ZC3H18: variants seen among roughly 807,000 people sequenced by gnomAD.
ZC3H18 encodes the protein zinc finger CCCH-type containing 18, also known as zinc finger CCCH domain-containing protein 18.
In ZC3H18, 8 loss-of-function variants were observed where a neutral mutation model predicts 106.1. The ratio of observed to expected loss-of-function variants is 0.08; its 90% CI spans 0.04 to 0.14. The LOEUF (loss-of-function observed/expected upper bound fraction) is 0.14, where lower values mean the gene tolerates loss of function less well. Ranked by LOEUF, ZC3H18 falls within the 10% of genes least tolerant of loss-of-function variation. The pLI is 1.00. For missense variants in ZC3H18, 1,318 were observed against 1,278.4 expected, an observed-to-expected ratio of 1.03 and a Z score of -0.47; for synonymous variants, 635 against 522.1, an observed-to-expected ratio of 1.22 and a Z score of -2.95.
chr16:88,611,842 G>T (rs752627514), intron 8 of ZC3H18, among the ~76,000 whole-genome samples: 2 of 152,190 alleles, frequency 1.3e-5, no homozygotes, highest in Non-Finnish European at 2.9e-5. Flanking sequence ...TTTAATAGGC[G>T]CTGCCCTTGT....
chr16:88,619,380 T>A (rs570525122), intron 8 of ZC3H18, among the ~76,000 whole-genome samples: 4 of 152,314 alleles, frequency 2.6e-5, no homozygotes, highest in Admixed American at 1.3e-4. Flanking sequence ...ACCTCCTTGC[T>A]CCATGGGCCT....
At chr16:88,574,276 C>A (rs1285748310) in intron 1 of ZC3H18, among the ~76,000 whole-genome samples, 1 of 151,648 alleles carries the variant, frequency 6.6e-6, no homozygotes, top group Non-Finnish European at 1.5e-5. Flanking sequence ...GTGGTGTGAT[C>A]TCGGCTCACT....
chr16:88,628,284 C>T (rs533990490), intron 15 of ZC3H18, among the ~76,000 whole-genome samples, 165 bp downstream of exon 15: 5 of 152,184 alleles, frequency 3.3e-5, no homozygotes, highest in Non-Finnish European at 7.4e-5. Flanking sequence ...TCTTTCCGGC[C>T]TGGGCTGGGA....
intron 3 of ZC3H18, among the ~76,000 whole-genome samples, chr16:88,592,044 T>C (rs7202485): frequency 3.6e-4 from 55 of 152,002 alleles, no homozygotes; most frequent in Non-Finnish European, 5.2e-4. Context: ...CCGCTGGCAG[T>C]GGAGTTGCTG....
intron 1 of ZC3H18, among the ~76,000 whole-genome samples, chr16:88,573,634 A>G (rs781248135): frequency 6.6e-6 from 1 of 151,774 alleles, no homozygotes; most frequent in Non-Finnish European, 1.5e-5. Context: ...CTGGACTCGA[A>G]CTCTTGGGCT....
intron 2 of ZC3H18, among the ~76,000 whole-genome samples, chr16:88,583,459 G>C (rs1214411515): frequency 1.3e-5 from 2 of 152,232 alleles, no homozygotes; most frequent in Non-Finnish European, 1.5e-5. Context: ...GTGGTGCAAA[G>C]GGGAAGGCGA....
At chr16:88,613,686 T>G (rs1905401822) in intron 8 of ZC3H18, among the ~76,000 whole-genome samples, 1 of 152,350 alleles carries the variant, frequency 6.6e-6, no homozygotes, top group African/African-American at 2.4e-5. Flanking sequence ...TTTTTGTTTT[T>G]TATTATTGAG....
chr16:88,601,243 A>G (rs1904735283), intron 6 of ZC3H18, among the ~76,000 whole-genome samples: 1 of 152,254 alleles, frequency 6.6e-6, no homozygotes, highest in African/African-American at 2.4e-5. Context: ...GGAATGTCAG[A>G]TCACAGAAAG....
chr16:88,624,882 G>C, intron 12 of ZC3H18, 137 bp downstream of exon 12: 1 of 1,311,460 alleles, frequency 7.6e-7, no homozygotes. Flanking sequence ...GCAGCACCCA[G>C]TGAGCCCTTA....
Position 88,625,512 on chromosome 16 carries a change from G to T in ZC3H18, c.2108+245G>T, listed in dbSNP as rs185082903. 282 of 539,054 alleles carry T rather than the reference G, an allele frequency of 5.2e-4. 4 individuals are homozygous for T. In the East Asian group the frequency reaches 7.3e-3, roughly 14 times the overall value. The allele number at this position is 539,054 out of a possible 1,614,324, so 33.4% of individuals were successfully genotyped here. On this transcript the variant is annotated intron_variant, in intron 13 of 17. Transcript: ENST00000301011. ...GATTCACAAACTCGGGGGCACTCAG[G>T]TCAGGAGGAGGTGCCTCTGCCCTGC...
At chr16:88,588,343 G>A (rs3751679) in intron 3 of ZC3H18, among the ~76,000 whole-genome samples, 25,922 of 152,182 alleles carry the variant, frequency 0.17, 2,228 homozygotes, top group East Asian at 0.24. Flanking sequence ...AAGCTTGACC[G>A]GCCAGTCGGC....
chr16:88,625,307 G>T lies in ZC3H18; in HGVS notation c.2108+40G>T, dbSNP rs768559228. On this transcript the variant is annotated intron_variant, in intron 13 of 17. Transcript: ENST00000301011. Reference sequence around the variant, plus strand: ...CCTGTGCCTCTGTTTCTCCCTCCCCGTCGGGGCCAGGAAGTCCCAGAAGCA... The same window carrying T: ...CCTGTGCCTCTGTTTCTCCCTCCCCTTCGGGGCCAGGAAGTCCCAGAAGCA... The T allele has an allele frequency of 3.2e-6, 5 of 1,557,446 alleles. No individual in the cohort carries two copies. In the African/African-American group the frequency reaches 4.1e-5, roughly 13 times the overall value.
intron 2 of ZC3H18, among the ~76,000 whole-genome samples, chr16:88,580,797 G>A (rs781623576): frequency 2.0e-5 from 3 of 152,198 alleles, no homozygotes; most frequent in Non-Finnish European, 4.4e-5. Flanking sequence ...TCCCTGGAAA[G>A]CAGCCTCTGC....
intron 16 of ZC3H18, 95 bp downstream of exon 16, chr16:88,628,949 G>A (rs1469880965): frequency 4.7e-6 from 6 of 1,267,862 alleles, no homozygotes; most frequent in Non-Finnish European, 6.7e-6. Context: ...TTAACAAGTA[G>A]GAGGAGGGTC....
chr16:88,611,313 G>GAGCGCC lies in ZC3H18; in HGVS notation c.1256_1257insCCAGCG (p.Arg419_Glu420insGlnArg). ...GAGAGAGAACAGACAGCGCGAGCGCGAGCGGGAGCGGGAGCGGGACCGAGA... is the reference window on the plus strand; with the variant it reads ...GAGAGAGAACAGACAGCGCGAGCGCGAGCGCCAGCGGGAGCGGGAGCGGGACCGAGA... On this transcript the variant is annotated inframe_insertion, in exon 8 of 18. Coordinates refer to ENST00000301011, the MANE Select transcript of ZC3H18 (RefSeq NM_144604.4). 1 of 733,976 alleles carries GAGCGCC rather than the reference G, an allele frequency of 1.4e-6. No individual in the cohort carries two copies. The highest frequency in any genetic ancestry group is 2.5e-6 in the Non-Finnish European group (1 of 399,616). 45.5% of individuals were successfully genotyped at this position (733,976 alleles called of 1,614,324 possible).
intron 13 of ZC3H18, chr16:88,626,336 A>G (rs1458898920): frequency 6.6e-6 from 1 of 152,160 alleles, no homozygotes; most frequent in African/African-American, 2.4e-5. Flanking sequence ...ATGAGCTGTG[A>G]TCACGACATT....
intron 8 of ZC3H18, among the ~76,000 whole-genome samples, chr16:88,618,549 C>T (rs885158): frequency 0.18 from 26,913 of 152,150 alleles, 2,887 homozygotes; most frequent in African/African-American, 0.3. Context: ...CCTGTAGCAG[C>T]CTGGCATCTG....
chr16:88,573,445 C>A (rs920896547), intron 1 of ZC3H18, among the ~76,000 whole-genome samples: 5 of 152,088 alleles, frequency 3.3e-5, no homozygotes, highest in Non-Finnish European at 5.9e-5. Flanking sequence ...GAGGCCTTAG[C>A]AGCCTTGGTG....
intron 3 of ZC3H18, among the ~76,000 whole-genome samples, chr16:88,589,376 G>T (rs1160003451): frequency 6.6e-6 from 1 of 152,244 alleles, no homozygotes; most frequent in Non-Finnish European, 1.5e-5. Flanking sequence ...GTTCACAGCA[G>T]CATAATTTCC....
Sources: gnomAD v4.1 joint callset for allele counts (sites outside exome capture counted in the v4.1 genomes callset) on GRCh38, gnomAD v4.1.1 for gene constraint, MANE v1.5 for transcripts, NCBI Gene and HGNC (gene_info 2026-07-23, HGNC 2026-07-21) for gene names.